FGF14: variants seen among roughly 807,000 people sequenced by gnomAD.
FGF14 encodes the protein fibroblast growth factor homologous factor 4.
FGF14 carries 5 observed loss-of-function variants against 25.5 expected under a neutral mutation model. The ratio of observed to expected loss-of-function variants is 0.20; its 90% confidence interval spans 0.10 to 0.41. The LOEUF (loss-of-function observed/expected upper bound fraction) is 0.41. Among genes scored for constraint, FGF14 ranks in the 10% least tolerant of loss-of-function variants. The pLI, the probability that FGF14 is intolerant of heterozygous loss-of-function variation, is 1.00. For synonymous variants in FGF14, 138 were observed against 118.3 expected (o/e 1.17, Z -1.08); for missense variants, 222 against 320.1 (o/e 0.69, Z 2.34).
At chr13:102,237,684 C>G (rs1251131310) in intron 1 of FGF14, among the ~76,000 whole-genome samples, 2 of 151,554 alleles carry the variant, frequency 1.3e-5, no homozygotes, top group African/African-American at 2.4e-5. Context: ...AAATTAAATA[C>G]ATTTCTAAAA....
At position 101,715,287 on chromosome 13, in the gene FGF14, A is replaced by G. The variant is rs1002594839; in HGVS notation, c.*7544T>C. On this transcript the variant is annotated 3_prime_UTR_variant, in exon 5 of 5. Coordinates refer to ENST00000376143, the MANE Select transcript of FGF14 (RefSeq NM_004115.4). Reference sequence around the variant, plus strand: ...AGATATAACTTGCTCTTTAAGGGAAAACAAAATTGTCACCTAAAAGCCTAG... The same window carrying G: ...AGATATAACTTGCTCTTTAAGGGAAGACAAAATTGTCACCTAAAAGCCTAG... 5.9e-6 allele frequency: 2 copies of G among 340,846 alleles called. No individual in the cohort carries two copies. Among genetic ancestry groups the G allele is most frequent in the Non-Finnish European group, 1.1e-5 (2 of 185,012 alleles). The allele number at this position is 340,846 out of a possible 1,614,324, so 21.1% of individuals were successfully genotyped here. A position where few individuals can be genotyped will look rare whatever the true frequency, so the allele number is the denominator to read the frequency against.
intron 2 of FGF14, among the ~76,000 whole-genome samples, chr13:101,872,186 GT>G (rs2045131724): frequency 6.6e-6 from 1 of 150,876 alleles, no homozygotes; most frequent in African/African-American, 2.4e-5. Flanking sequence ...TGAGTTTTTG[GT>G]TTTTTTAAAA....
intron 1 of FGF14, among the ~76,000 whole-genome samples, chr13:102,135,286 T>A (rs1236597868): frequency 1.3e-5 from 2 of 152,114 alleles, no homozygotes; most frequent in African/African-American, 2.4e-5. Flanking sequence ...GACAATTTTT[T>A]CATGAACACA....
intron 1 of FGF14, among the ~76,000 whole-genome samples, chr13:102,009,123 T>C (rs1383105909): frequency 6.6e-6 from 1 of 152,178 alleles, no homozygotes; most frequent in African/African-American, 2.4e-5. Flanking sequence ...ATTTTACATG[T>C]TTAACACCTT....
chr13:101,899,281 A>G (rs2031197635), intron 1 of FGF14, among the ~76,000 whole-genome samples: 1 of 152,118 alleles, frequency 6.6e-6, no homozygotes, highest in South Asian at 2.1e-4. Flanking sequence ...ACACTCAATT[A>G]AAACTACTGA....
At chr13:101,924,508 A>G (rs1247392651) in intron 1 of FGF14, among the ~76,000 whole-genome samples, 1 of 152,214 alleles carries the variant, frequency 6.6e-6, no homozygotes, top group Non-Finnish European at 1.5e-5. Flanking sequence ...TTTCATTACT[A>G]CCTTCACAGT....
chr13:101,950,921 G>T (rs1205262395), intron 1 of FGF14, among the ~76,000 whole-genome samples: 1 of 152,116 alleles, frequency 6.6e-6, no homozygotes, highest in Admixed American at 6.6e-5. Context: ...ACTCTTTAAA[G>T]AAAAGTGTTG....
Position 101,710,999 on chromosome 13 carries a change from A to G in FGF14, c.*11832T>C, listed in dbSNP as rs773051354. On this transcript the variant is annotated 3_prime_UTR_variant, in exon 5 of 5. Transcript: ENST00000376143. ...AGGCTTGAATGAAAAAGAAAGTCCA[A>G]CATTAGTAATGGAATGGGCAACTGA... is the stretch of plus-strand genomic sequence containing the variant. 2 of 152,210 alleles carry G rather than the reference A, an allele frequency of 1.3e-5. No individual in the cohort carries two copies. The highest frequency in any genetic ancestry group is 6.5e-5 in the Admixed American group (1 of 15,286). The allele number at this position is 152,210 out of a possible 1,614,324, so 9.4% of individuals were successfully genotyped here.
Position 101,723,004 on chromosome 13 carries a change from T to G in FGF14, c.608-37A>C, listed in dbSNP as rs780519737. ...AAGAAAGGAGGAGGAAAAGCAAACA[T>G]TGCTTGGTTAGGTGTGAGAATGGTC... On this transcript the variant is annotated intron_variant, in intron 4 of 4. Coordinates refer to ENST00000376143, the MANE Select transcript of FGF14 (RefSeq NM_004115.4). The G allele has an allele frequency of 1.9e-6, 3 of 1,612,600 alleles. No homozygotes were observed. In the South Asian group the frequency reaches 3.3e-5, roughly 18 times the overall value.
At chr13:101,843,465 A>G (rs1462246828) in intron 3 of FGF14, among the ~76,000 whole-genome samples, 1 of 151,968 alleles carries the variant, frequency 6.6e-6, no homozygotes, top group Non-Finnish European at 1.5e-5. Flanking sequence ...ACATGCTCAG[A>G]TGTTCTGCCA....
At chr13:102,114,036 A>G (rs1347192460) in intron 1 of FGF14, among the ~76,000 whole-genome samples, 1 of 152,228 alleles carries the variant, frequency 6.6e-6, no homozygotes, top group East Asian at 1.9e-4. Flanking sequence ...TCAAGAGGCA[A>G]AAGAAAATAT....
chr13:101,797,856 A>G (rs1260504328), intron 3 of FGF14, among the ~76,000 whole-genome samples: 1 of 151,812 alleles, frequency 6.6e-6, no homozygotes, highest in Non-Finnish European at 1.5e-5. Flanking sequence ...ACCTTCAAAA[A>G]ACCAAATAAT....
chr13:101,901,804 T>C (rs761005882), intron 1 of FGF14, among the ~76,000 whole-genome samples: 10 of 152,148 alleles, frequency 6.6e-5, no homozygotes, highest in Non-Finnish European at 1.3e-4. Context: ...ACTACTACCA[T>C]AGATTATATG....
At chr13:101,992,613 A>G (rs1402977457) in intron 1 of FGF14, among the ~76,000 whole-genome samples, 1 of 152,122 alleles carries the variant, frequency 6.6e-6, no homozygotes, top group East Asian at 1.9e-4. Context: ...TGGGAAATGT[A>G]AGCAGAAGGA....
intron 1 of FGF14, among the ~76,000 whole-genome samples, chr13:101,970,234 C>T (rs2037509344): frequency 6.6e-6 from 1 of 151,554 alleles, no homozygotes; most frequent in Non-Finnish European, 1.5e-5. Flanking sequence ...GAACTCAAAG[C>T]CTATTTTTAT....
At chr13:101,970,670 C>G (rs2037536982) in intron 1 of FGF14, among the ~76,000 whole-genome samples, 1 of 152,152 alleles carries the variant, frequency 6.6e-6, no homozygotes, top group South Asian at 2.1e-4. Flanking sequence ...AATGCATTTG[C>G]TCTAAACGCC....
At position 101,773,041 on chromosome 13, in the gene FGF14, G is replaced by C. The variant is rs746742868; in HGVS notation, c.409-46231C>G. On this transcript the variant is annotated intron_variant, in intron 3 of 4. Transcript: ENST00000376143. ...TAAGGAAAGGTGTGGTAGCTATTCT[G>C]CTTAAGTGGCCCCTGTTGTATGAAT... Among the ~76,000 whole-genome samples, 14 of 152,208 alleles carry C rather than the reference G, an allele frequency of 9.2e-5. No homozygotes were observed. The South Asian group carries it at 2.1e-3, about 23-fold the overall frequency.
chr13:101,878,996 T>C (rs927126020), intron 1 of FGF14, among the ~76,000 whole-genome samples: 3 of 152,148 alleles, frequency 2.0e-5, no homozygotes, highest in African/African-American at 7.2e-5. Context: ...AGTCTTACAA[T>C]ACAGATTCCC....
chr13:102,272,572 G>A (rs2053303060), intron 1 of FGF14, among the ~76,000 whole-genome samples: 1 of 152,070 alleles, frequency 6.6e-6, no homozygotes, highest in African/African-American at 2.4e-5. Flanking sequence ...AATGACTACG[G>A]CACACAAGGT....
Sources: allele counts gnomAD v4.1 joint callset (sites outside exome capture counted in the v4.1 genomes callset), GRCh38; gene constraint gnomAD v4.1.1; transcripts MANE v1.5; gene names NCBI Gene and HGNC (gene_info 2026-07-23, HGNC 2026-07-21).